CDH4: variants seen among roughly 807,000 people sequenced by gnomAD.
CDH4 encodes cadherin-4.
In CDH4, 33 loss-of-function variants were observed where a neutral mutation model predicts 86.0. The observed-to-expected ratio is 0.38, with a 90% confidence interval of 0.29 to 0.51. The LOEUF (loss-of-function observed/expected upper bound fraction) is 0.51. Among genes scored for constraint, CDH4 ranks in the 20% least tolerant of loss-of-function variants. The pLI is 0.86. For synonymous variants in CDH4, 555 were observed against 549.4 expected (o/e 1.01, Z -0.14); for missense variants, 1,114 against 1,307.4 (o/e 0.85, Z 2.28).
chr20:61,793,041 C>A (rs1320325150), intron 4 of CDH4, among the ~76,000 whole-genome samples: 1 of 151,978 alleles, frequency 6.6e-6, no homozygotes, highest in Non-Finnish European at 1.5e-5. Context: ...TGGCTTACTG[C>A]AACCTCTGCC....
intron 2 of CDH4, among the ~76,000 whole-genome samples, chr20:61,365,679 A>G (rs1249648521): frequency 2.0e-5 from 3 of 152,140 alleles, no homozygotes; most frequent in Non-Finnish European, 4.4e-5. Context: ...TGAGCTACTC[A>G]TTGACGCAGC....
chr20:61,437,082 G>C (rs566392085), intron 2 of CDH4: 1 of 152,488 alleles, frequency 6.6e-6, no homozygotes, highest in African/African-American at 2.4e-5. Context: ...CAGCCTGAAG[G>C]TGGCAGGGCC....
At chr20:61,479,666 G>A (rs781508826) in intron 2 of CDH4, among the ~76,000 whole-genome samples, 2 of 152,150 alleles carry the variant, frequency 1.3e-5, no homozygotes, top group African/African-American at 2.4e-5. Context: ...ATTCTAAGTG[G>A]GCTTGGTCTA....
intron 2 of CDH4, among the ~76,000 whole-genome samples, chr20:61,301,753 G>A (rs775275035): frequency 1.2e-4 from 19 of 152,140 alleles, no homozygotes; most frequent in South Asian, 4.1e-4. Context: ...CCTGAGAATC[G>A]AATCTGCATT....
chr20:61,603,406 C>T (rs2086618453), intron 2 of CDH4, among the ~76,000 whole-genome samples: 1 of 152,208 alleles, frequency 6.6e-6, no homozygotes, highest in Non-Finnish European at 1.5e-5. Context: ...TGGCTGCAGA[C>T]AGATCTGGAC....
intron 2 of CDH4, among the ~76,000 whole-genome samples, chr20:61,693,772 G>GC (rs921981039): frequency 6.6e-6 from 1 of 151,790 alleles, no homozygotes; most frequent in African/African-American, 2.4e-5. Context: ...GAACAATCAT[G>GC]CCCCCCATAA....
intron 2 of CDH4, among the ~76,000 whole-genome samples, chr20:61,667,907 G>C (rs1265260131): frequency 6.6e-6 from 1 of 152,200 alleles, no homozygotes; most frequent in Admixed American, 6.5e-5. Flanking sequence ...ACCCCACCAA[G>C]TCTGAGGCTG....
rs79316569 is a variant in CDH4 at position 61,912,655 on chromosome 20, T to C, written c.1374+2048T>C. Among the ~76,000 whole-genome samples, 10 of 152,334 alleles carry C rather than the reference T, an allele frequency of 6.6e-5. No homozygotes were observed. In the East Asian group the frequency reaches 1.9e-3, roughly 29 times the overall value. Reference sequence around the variant, plus strand: ...CCTAACTCTGTATAAGCTTTCTTCTTCAAGAGAGGCTATTTTTTCACCGTA... The same window carrying C: ...CCTAACTCTGTATAAGCTTTCTTCTCCAAGAGAGGCTATTTTTTCACCGTA... On this transcript the variant is annotated intron_variant, in intron 9 of 15. Transcript: ENST00000614565.
Position 61,457,743 on chromosome 20 carries a change from G to A in CDH4, c.169+202806G>A, listed in dbSNP as rs188077268. ...TGGCAGTGCTGACACTGGTGGTGGC[G>A]GTGGTGGTGGTAGTCTTATCATGGT... On this transcript the variant is annotated intron_variant, in intron 2 of 15. Coordinates refer to ENST00000614565, the MANE Select transcript of CDH4 (RefSeq NM_001794.5). Among the ~76,000 whole-genome samples the A allele has an allele frequency of 3.8e-4, 57 of 149,392 alleles. 1 individual carries two copies. Among genetic ancestry groups the A allele is most frequent in the Middle Eastern group, 3.6e-3 (1 of 280 alleles).
At chr20:61,626,378 C>A (rs1191192486) in intron 2 of CDH4, among the ~76,000 whole-genome samples, 3 of 152,024 alleles carry the variant, frequency 2.0e-5, no homozygotes, top group African/African-American at 7.3e-5. Flanking sequence ...TTCTGTCTGG[C>A]CTTGATGTGG....
intron 4 of CDH4, among the ~76,000 whole-genome samples, chr20:61,826,560 G>C (rs917243342): frequency 1.3e-5 from 2 of 152,212 alleles, no homozygotes; most frequent in Admixed American, 1.3e-4. Context: ...GCGGTGATGG[G>C]GGTGGGGGTG....
chr20:61,769,652 G>A (rs895585775), intron 3 of CDH4, among the ~76,000 whole-genome samples: 1 of 152,130 alleles, frequency 6.6e-6, no homozygotes, highest in East Asian at 1.9e-4. Flanking sequence ...CCTTGGCCTC[G>A]CATGGCAGGA....
chr20:61,674,311 T>A, intron 2 of CDH4, among the ~76,000 whole-genome samples: 1 of 151,566 alleles, frequency 6.6e-6, no homozygotes, highest in Admixed American at 6.6e-5. Context: ...GGAGCAGGAG[T>A]CACAGCATGT....
intron 1 of CDH4, among the ~76,000 whole-genome samples, chr20:61,253,954 T>C (rs1184558687): frequency 6.6e-6 from 1 of 152,200 alleles, no homozygotes; most frequent in Non-Finnish European, 1.5e-5. Flanking sequence ...GGGGCTGGCT[T>C]CCCGCTTGCA....
chr20:61,713,253 C>G (rs975967562), intron 2 of CDH4, among the ~76,000 whole-genome samples: 8 of 152,226 alleles, frequency 5.3e-5, no homozygotes, highest in African/African-American at 1.9e-4. Context: ...AGGTGCACAT[C>G]CTGTACCCTT....
intron 5 of CDH4, among the ~76,000 whole-genome samples, chr20:61,846,568 A>G (rs1186606186): frequency 1.3e-5 from 2 of 152,132 alleles, no homozygotes; most frequent in Non-Finnish European, 2.9e-5. Flanking sequence ...ACACAGAGAG[A>G]GACATAGGAG....
chr20:61,269,480 G>A lies in CDH4; in HGVS notation c.169+14543G>A, dbSNP rs1323258779. Among the ~76,000 whole-genome samples, 1 of 152,050 alleles carries A rather than the reference G, an allele frequency of 6.6e-6. No homozygotes were observed. The highest frequency in any genetic ancestry group is 1.9e-4 in the East Asian group (1 of 5,178). On this transcript the variant is annotated intron_variant, in intron 2 of 15. Coordinates refer to ENST00000614565, the MANE Select transcript of CDH4 (RefSeq NM_001794.5). The surrounding 1 kb of genome is among the most constrained non-coding windows in gnomAD (Gnocchi z 5.3). ...TACCTCCATAGGAGGGAGATGCCAG[G>A]TCCATCTCATGAGGGCCTGGAAGAC...
At chr20:61,736,774 GGAGATGGAGCCAT>G (rs998600678) in intron 2 of CDH4, among the ~76,000 whole-genome samples, 4 of 152,158 alleles carry the variant, frequency 2.6e-5, no homozygotes, top group Admixed American at 6.5e-5. Context: ...ATGAGTCCTG[GGAGATGGAGCCAT>G]CATGAGGTCA....
chr20:61,353,940 A>T (rs2084731316), intron 2 of CDH4, among the ~76,000 whole-genome samples: 1 of 151,938 alleles, frequency 6.6e-6, no homozygotes, highest in Non-Finnish European at 1.5e-5. Context: ...TTGTGCTGAA[A>T]GGACTTATCT....
Sources: gnomAD v4.1 joint callset for allele counts (sites outside exome capture counted in the v4.1 genomes callset) on GRCh38, gnomAD v4.1.1 for gene constraint, Gnocchi (gnomAD v3.1) non-coding constraint, MANE v1.5 for transcripts, NCBI Gene and HGNC (gene_info 2026-07-23, HGNC 2026-07-21) for gene names.